TPD52L2: variants seen among roughly 807,000 people sequenced by gnomAD.
TPD52L2 encodes the protein TPD52 like 2, also known as tumor protein D54.
A neutral mutation model predicts 24.7 loss-of-function variants in TPD52L2; 19 were observed. The observed-to-expected ratio is 0.77, with a 90% CI of 0.54 to 1.13. TPD52L2 has a LOEUF of 1.13. Ranked by LOEUF, TPD52L2 falls within the 50% of genes most tolerant of loss-of-function variation. The pLI, the probability that TPD52L2 is intolerant of heterozygous loss-of-function variation, is 0.00. For missense variants in TPD52L2, 236 were observed against 250.4 expected (o/e 0.94, Z 0.39); for synonymous variants, 104 against 100.2 (o/e 1.04, Z -0.23).
At position 63,869,307 on chromosome 20, in the gene TPD52L2, A is replaced by G. The variant is rs890643402; in HGVS notation, c.31A>G (p.Asn11Asp). MDSAGQDINL[N>D]SPNKGLLSDS... ...TTTGTCTCTGGCAGATATCAACCTG[A>G]ATTCTCCTAACAAAGGTCTGCTGTC... The change falls in exon 2 of 7, where the codon AAT becomes GAT. Residue 11 changes from asparagine to aspartate, a missense_variant. Physicochemically the swap from Asn to Asp is conservative, Grantham distance 23. Transcript: ENST00000346249. 6.2e-7 allele frequency: 1 copy of G among 1,614,108 alleles called. No individual in the cohort carries two copies. The highest frequency in any genetic ancestry group is 8.5e-7 in the Non-Finnish European group (1 of 1,180,022).
At chr20:63,868,610 A>G (rs1008519658) in intron 1 of TPD52L2, among the ~76,000 whole-genome samples, 3 of 152,196 alleles carry the variant, frequency 2.0e-5, no homozygotes, top group African/African-American at 7.2e-5. Flanking sequence ...AGTGATGCTT[A>G]TTGTGTATAT....
intron 2 of TPD52L2, among the ~76,000 whole-genome samples, chr20:63,873,076 C>T (rs1316055018): frequency 1.5e-5 from 2 of 134,486 alleles, no homozygotes; most frequent in Non-Finnish European, 3.4e-5. Flanking sequence ...CTGGCATGGT[C>T]ATCCTGGGCC....
chr20:63,872,616 A>G (rs1429346916), intron 2 of TPD52L2, among the ~76,000 whole-genome samples: 1 of 151,886 alleles, frequency 6.6e-6, no homozygotes, highest in African/African-American at 2.4e-5. Context: ...GACCTCAGAT[A>G]ATCTGCCTGC....
At chr20:63,889,509 C>T (rs1176329615) in intron 6 of TPD52L2, among the ~76,000 whole-genome samples, 1 of 133,156 alleles carries the variant, frequency 7.5e-6, no homozygotes, top group Non-Finnish European at 1.6e-5. Context: ...TCCTGGTCCC[C>T]ACTGCCCTTC....
At chr20:63,867,789 T>G (rs2052310313) in intron 1 of TPD52L2, among the ~76,000 whole-genome samples, 2 of 150,674 alleles carry the variant, frequency 1.3e-5, no homozygotes, top group Admixed American at 1.3e-4. Flanking sequence ...TCTTTTCTTT[T>G]GTTTTTTTTT....
chr20:63,865,793 C>G (rs1044383773), intron 1 of TPD52L2, among the ~76,000 whole-genome samples: 10 of 152,222 alleles, frequency 6.6e-5, no homozygotes, highest in African/African-American at 2.4e-4. Flanking sequence ...TGGCCCTGGA[C>G]CCAGTCCGAG....
Position 63,873,798 on chromosome 20 carries a change from A to G in TPD52L2, c.296A>G (p.Asp99Gly). Residue 99 changes from aspartate (D) to glycine (G), a missense_variant, in exon 3 of 7, where the codon GAC becomes GGC. By Grantham distance (94) the Asp-to-Gly change is moderately conservative. Transcript: ENST00000346249. ...CAGAACCTGTCCAGGAGCTGGCATG[A>G]CGTGCAGGTCTCTAGCGCGTAGGTA... ...LKQNLSRSWHDVQVSSAYVKT... is the reference protein window; with the variant it reads ...LKQNLSRSWHGVQVSSAYVKT... The G allele has an allele frequency of 6.3e-7, 1 of 1,575,170 alleles. No individual in the cohort carries two copies.
Position 63,873,884 on chromosome 20 carries a change from T to TG in TPD52L2, c.314+75dup, listed in dbSNP as rs912391504. On this transcript the variant is annotated intron_variant, in intron 3 of 6. Coordinates refer to ENST00000346249, the MANE Select transcript of TPD52L2 (RefSeq NM_003288.4). Reference sequence around the variant, plus strand: ...CGGGCACCACACGTGCCCCGGCATGTGGGGGGGCGTCGTCATGCCCAGGGA... The same window carrying TG: ...CGGGCACCACACGTGCCCCGGCATGTGGGGGGGGCGTCGTCATGCCCAGGGA... The TG allele has an allele frequency of 4.8e-4, 683 of 1,408,356 alleles. 3 individuals carry two copies. In the African/African-American group the frequency reaches 7.9e-3, roughly 16 times the overall value. The allele number at this position is 1,408,356 out of a possible 1,614,324, so 87.2% of individuals were successfully genotyped here.
At chr20:63,879,152 C>T (rs955782950) in intron 4 of TPD52L2, among the ~76,000 whole-genome samples, 2 of 152,200 alleles carry the variant, frequency 1.3e-5, no homozygotes, top group African/African-American at 2.4e-5. Context: ...GCCAGGGAGG[C>T]GCTGGTGGTG....
At chr20:63,889,803 T>C (rs757840162) in intron 6 of TPD52L2, 47 bp from the exon 7 acceptor site, 8 of 1,571,424 alleles carry the variant, frequency 5.1e-6, no homozygotes, top group Non-Finnish European at 6.1e-6. Flanking sequence ...CCTTGTGTTG[T>C]GTGCTCTGTC....
intron 2 of TPD52L2, among the ~76,000 whole-genome samples, chr20:63,870,519 A>C (rs1415535743): frequency 1.4e-5 from 2 of 143,500 alleles, no homozygotes; most frequent in East Asian, 4.3e-4. Context: ...AATAAGGTGA[A>C]GTTTTTTTTT....
At position 63,869,397 on chromosome 20, in the gene TPD52L2, C is replaced by G. The variant is rs771267767; in HGVS notation, c.121C>G (p.Leu41Val). 6.2e-7 allele frequency: 1 copy of G among 1,614,208 alleles called. No homozygotes were observed. ...TGCCCGGACTCCTGCTGTTGAGGGTCTGACAGAGGCTGAGGAGGAGGAGCT... is the reference window on the plus strand; with the variant it reads ...TGCCCGGACTCCTGCTGTTGAGGGTGTGACAGAGGCTGAGGAGGAGGAGCT... ...VAARTPAVEGLTEAEEEELRA... is the reference protein window; with the variant it reads ...VAARTPAVEGVTEAEEEELRA... The change falls in exon 2 of 7, where the codon CTG (leucine) becomes GTG (valine). Residue 41 changes from leucine (L) to valine (V), a missense_variant. Leu to Val is a conservative substitution (Grantham distance 32). Transcript: ENST00000346249.
At position 63,869,327 on chromosome 20, in the gene TPD52L2, G is replaced by A. The variant is rs770597676; in HGVS notation, c.51G>A (p.Leu17=). ...ACCTGAATTCTCCTAACAAAGGTCTGCTGTCTGACTCCATGACGGATGTTC... is the reference window on the plus strand; with the variant it reads ...ACCTGAATTCTCCTAACAAAGGTCTACTGTCTGACTCCATGACGGATGTTC... ...DINLNSPNKG[L]LSDSMTDVPV... Residue 17 remains leucine (L), a synonymous_variant, in exon 2 of 7, where the codon CTG becomes CTA. Coordinates refer to ENST00000346249, the MANE Select transcript of TPD52L2 (RefSeq NM_003288.4). 4 of 1,614,070 alleles carry A rather than the reference G, an allele frequency of 2.5e-6. No individual in the cohort carries two copies. The highest frequency in any genetic ancestry group is 3.3e-5 in the Admixed American group (2 of 59,996).
rs1318345556 is a variant in TPD52L2 at position 63,871,262 on chromosome 20, C to T, written c.165+1821C>T. On this transcript the variant is annotated intron_variant, in intron 2 of 6. Coordinates refer to ENST00000346249, the MANE Select transcript of TPD52L2 (RefSeq NM_003288.4). ...TTCACCATGTTGGCCAGGCTGGTCCCGAACTCCGAGTCTCAAGAGCTCCAC... is the reference window on the plus strand; with the variant it reads ...TTCACCATGTTGGCCAGGCTGGTCCTGAACTCCGAGTCTCAAGAGCTCCAC... 7.9e-5 allele frequency among the ~76,000 whole-genome samples: 12 copies of T among 151,958 alleles called. No homozygotes were observed. In the East Asian group the frequency reaches 2.1e-3, roughly 27 times the overall value.
intron 4 of TPD52L2, among the ~76,000 whole-genome samples, chr20:63,882,162 G>C (rs1344513219): frequency 2.0e-5 from 3 of 152,234 alleles, no homozygotes. Flanking sequence ...TGGCCACTCT[G>C]TGACGCTCGT....
At chr20:63,868,102 G>A (rs1444608342) in intron 1 of TPD52L2, among the ~76,000 whole-genome samples, 7 of 152,026 alleles carry the variant, frequency 4.6e-5, no homozygotes, top group African/African-American at 9.7e-5. Flanking sequence ...TAGTAGAGAC[G>A]GGGTTTCACC....
At chr20:63,886,601 G>A (rs1206514524) in intron 5 of TPD52L2, among the ~76,000 whole-genome samples, 20 of 151,706 alleles carry the variant, frequency 1.3e-4, no homozygotes, top group Non-Finnish European at 2.2e-4. Flanking sequence ...CGCCCGCCTC[G>A]GCCTCCCAAA....
chr20:63,888,350 A>G (rs2053208156), intron 5 of TPD52L2: 1 of 152,644 alleles, frequency 6.6e-6, no homozygotes, highest in South Asian at 2.1e-4. Flanking sequence ...ATGTGCATGA[A>G]GAACTGCACA....
At chr20:63,865,412 G>A in intron 1 of TPD52L2, 28 bp downstream of exon 1, 1 of 1,526,946 alleles carries the variant, frequency 6.5e-7, no homozygotes, top group African/African-American at 1.4e-5. Flanking sequence ...CCCCTTCGCC[G>A]CAGATGGGCC....
Sources: allele counts gnomAD v4.1 joint callset (sites outside exome capture counted in the v4.1 genomes callset), GRCh38; gene constraint gnomAD v4.1.1; transcripts MANE v1.5; gene names NCBI Gene and HGNC (gene_info 2026-07-23, HGNC 2026-07-21).